The following WDFY4 variants were observed in gnomAD, a reference collection of about 807,000 sequenced individuals.
WDFY4 encodes the protein WD repeat- and FYVE domain-containing protein 4.
Under a neutral mutation model 351.9 loss-of-function variants are expected in WDFY4, and 169 were observed. That is an observed-to-expected ratio of 0.48 (90% confidence interval 0.42 to 0.55). WDFY4 has a LOEUF of 0.55. WDFY4 is among the 20% of genes least tolerant of loss of function. WDFY4 has a pLI of 0.00. For missense variants in WDFY4, 3,803 were observed against 3,935.6 expected, an observed-to-expected ratio of 0.97 and a Z score of 0.90; for synonymous variants, 1,622 against 1,574.6, an observed-to-expected ratio of 1.03 and a Z score of -0.71.
intron 39 of WDFY4, among the ~76,000 whole-genome samples, chr10:48,858,203 T>C (rs771884493): frequency 1.8e-4 from 28 of 152,174 alleles, no homozygotes; most frequent in Non-Finnish European, 3.5e-4. Context: ...AGCGTTGTTC[T>C]CATGGTTTTG....
At chr10:48,833,168 T>TGAGAGA (rs1364445874) in intron 39 of WDFY4, among the ~76,000 whole-genome samples, 42 of 106,908 alleles carry the variant, frequency 3.9e-4, no homozygotes, top group South Asian at 1.1e-3. Flanking sequence ...TGTGTGTGTG[T>TGAGAGA]GTGTGAGAGA....
At chr10:48,955,267 C>T (rs986896238) in intron 51 of WDFY4, among the ~76,000 whole-genome samples, 1 of 152,218 alleles carries the variant, frequency 6.6e-6, no homozygotes, top group Admixed American at 6.5e-5. Context: ...AGCAAAGCGA[C>T]CTTGGGGAAA....
At chr10:48,776,250 A>G (rs963937003) in intron 15 of WDFY4, among the ~76,000 whole-genome samples, 1 of 152,208 alleles carries the variant, frequency 6.6e-6, no homozygotes, top group African/African-American at 2.4e-5. Flanking sequence ...GCTTAGAGAA[A>G]AGAAACTCGT....
chr10:48,853,520 A>G (rs1192729174), intron 39 of WDFY4, among the ~76,000 whole-genome samples: 3 of 152,210 alleles, frequency 2.0e-5, no homozygotes, highest in Non-Finnish European at 2.9e-5. Flanking sequence ...TGAGTCCACC[A>G]TGTGAACTCT....
Position 48,700,048 on chromosome 10 carries a change from T to C in WDFY4, c.-17-9668T>C, listed in dbSNP as rs554320922. 2.6e-5 allele frequency among the ~76,000 whole-genome samples: 4 copies of C among 152,342 alleles called. No individual in the cohort carries two copies. The South Asian group carries it at 6.2e-4, about 24-fold the overall frequency. On this transcript the variant is annotated intron_variant, in intron 1 of 61. Transcript: ENST00000325239. Reference sequence around the variant, plus strand: ...TAACAATCTGTTCAGGTGATGCTGATGCATGCTGAAGTTTTAGAACCACTG... The same window carrying C: ...TAACAATCTGTTCAGGTGATGCTGACGCATGCTGAAGTTTTAGAACCACTG...
chr10:48,954,664 A>G (rs985939832), intron 51 of WDFY4, among the ~76,000 whole-genome samples: 6 of 152,062 alleles, frequency 3.9e-5, no homozygotes, highest in Admixed American at 2.0e-4. Flanking sequence ...CAGAGTTTAC[A>G]TCAACCCACA....
intron 30 of WDFY4, among the ~76,000 whole-genome samples, chr10:48,813,201 GGCGTGGCTTTGCCAAGAGAA>G (rs375137673): frequency 3.2e-4 from 49 of 152,222 alleles, no homozygotes; most frequent in African/African-American, 1.1e-3. Flanking sequence ...ATATGGGAGG[GGCGTGGCTTTGCCAAGAGAA>G]GGTTAAAAAA....
At chr10:48,819,059 C>T (rs557328214) in intron 32 of WDFY4, among the ~76,000 whole-genome samples, 10 of 152,218 alleles carry the variant, frequency 6.6e-5, no homozygotes, top group African/African-American at 1.2e-4. Context: ...GGGCTCCAGC[C>T]GAGTGCCCCC....
intron 47 of WDFY4, chr10:48,910,888 C>T: frequency 2.0e-6 from 2 of 984,860 alleles, no homozygotes; most frequent in Non-Finnish European, 2.4e-6. Context: ...ACCAGGTGGG[C>T]TCTGTAACCT....
At chr10:48,875,613 C>T (rs148564070) in intron 42 of WDFY4, among the ~76,000 whole-genome samples, 380 of 152,258 alleles carry the variant, frequency 2.5e-3, no homozygotes, top group African/African-American at 8.8e-3. Flanking sequence ...TGGGGTTTTG[C>T]CACATTGCCC....
At chr10:48,957,303 G>T (rs773639567) in intron 52 of WDFY4, 21 bp downstream of exon 52, 5 of 1,545,898 alleles carry the variant, frequency 3.2e-6, no homozygotes, top group Non-Finnish European at 4.4e-6. Flanking sequence ...GCCTGGTGAG[G>T]CCGGGTGAGT....
intron 47 of WDFY4, among the ~76,000 whole-genome samples, chr10:48,931,075 A>T (rs1311322356): frequency 1.5e-5 from 2 of 133,772 alleles, no homozygotes; most frequent in African/African-American, 5.4e-5. Flanking sequence ...ACAAACACAC[A>T]TGCATGCACA....
intron 1 of WDFY4, among the ~76,000 whole-genome samples, chr10:48,701,081 CCATG>C: frequency 6.6e-6 from 1 of 152,302 alleles, no homozygotes; most frequent in Non-Finnish European, 1.5e-5. Flanking sequence ...CGCTACCTCC[CCATG>C]CACCCCTCTC....
At chr10:48,699,118 G>T (rs1357507688) in intron 1 of WDFY4, among the ~76,000 whole-genome samples, 7 of 152,190 alleles carry the variant, frequency 4.6e-5, no homozygotes, top group Admixed American at 1.3e-4. Context: ...TTTGCCCCAG[G>T]GGGAGGTGAG....
At chr10:48,849,739 A>C (rs1173414491) in intron 39 of WDFY4, among the ~76,000 whole-genome samples, 1 of 152,224 alleles carries the variant, frequency 6.6e-6, no homozygotes, top group East Asian at 1.9e-4. Context: ...ACCATGAAAC[A>C]TTTGTCAAAG....
chr10:48,831,910 C>T (rs984970218), intron 38 of WDFY4, among the ~76,000 whole-genome samples: 9 of 152,142 alleles, frequency 5.9e-5, no homozygotes, highest in Non-Finnish European at 1.0e-4. Flanking sequence ...CATTCATGAG[C>T]GTAGAACCCT....
intron 12 of WDFY4, among the ~76,000 whole-genome samples, chr10:48,752,622 T>A (rs959164123): frequency 1.8e-4 from 27 of 152,372 alleles, no homozygotes; most frequent in African/African-American, 6.5e-4. Context: ...GTAAATGGAA[T>A]CATGTAATAG....
intron 1 of WDFY4, among the ~76,000 whole-genome samples, chr10:48,695,226 C>A (rs1376013697): frequency 6.6e-6 from 1 of 152,212 alleles, no homozygotes; most frequent in Non-Finnish European, 1.5e-5. Flanking sequence ...TCTGGGGCAA[C>A]AGTGCAACCA....
Position 48,811,598 on chromosome 10 carries a change from C to G in WDFY4, c.5104C>G (p.Arg1702Gly). The G allele has an allele frequency of 6.4e-7, 1 of 1,552,146 alleles. No individual in the cohort carries two copies. The highest frequency in any genetic ancestry group is 8.7e-7 in the Non-Finnish European group (1 of 1,147,098). ...AAGCCCATGCCTGCTTCCTGGGTTC[C>G]GTGTCTTGAATGACTTTCTGGCCCA... ...EQSPCLLPGF[R>G]VLNDFLAHHV... is the part of the protein sequence containing the mutation. Residue 1702 changes from arginine (R) to glycine (G), a missense_variant, in exon 30 of 62, where the codon CGT (arginine) becomes GGT (glycine). By Grantham distance (125) the Arg-to-Gly change is moderately radical. Transcript: ENST00000325239.
Sources: allele counts gnomAD v4.1 joint callset (sites outside exome capture counted in the v4.1 genomes callset), GRCh38; gene constraint gnomAD v4.1.1; transcripts MANE v1.5; gene names NCBI Gene and HGNC (gene_info 2026-07-23, HGNC 2026-07-21).